The following CFAP43 variants were observed in gnomAD, a reference collection of about 807,000 sequenced individuals.
CFAP43 encodes the protein cilia- and flagella-associated protein 43.
CFAP43 carries 155 observed loss-of-function variants against 218.9 expected under a neutral mutation model. That is an observed-to-expected ratio of 0.71 (90% CI 0.62 to 0.81). CFAP43 has a LOEUF of 0.81. Among genes scored for constraint, CFAP43 ranks in the 30% least tolerant of loss-of-function variants. The pLI, the probability that CFAP43 is intolerant of heterozygous loss-of-function variation, is 0.00. For missense variants in CFAP43, 1,778 were observed against 1,954.3 expected, an observed-to-expected ratio of 0.91 and a Z score of 1.70; for synonymous variants, 645 against 681.3, an observed-to-expected ratio of 0.95 and a Z score of 0.83.
At chr10:104,230,510 A>G (rs1212384669) in intron 2 of CFAP43, 80 bp downstream of exon 2, 15 of 1,508,890 alleles carry the variant, frequency 9.9e-6, no homozygotes, top group African/African-American at 1.4e-5. Flanking sequence ...CAAAAAATAA[A>G]TCTTCACTTA....
At chr10:104,199,609 A>C (rs981437152) in intron 8 of CFAP43, among the ~76,000 whole-genome samples, 1 of 152,220 alleles carries the variant, frequency 6.6e-6, no homozygotes, top group Non-Finnish European at 1.5e-5. Context: ...TAATTGTAAG[A>C]AGAAAAAGAA....
At chr10:104,141,025 C>G in intron 33 of CFAP43, 24 bp from the exon 34 acceptor site, 1 of 1,590,476 alleles carries the variant, frequency 6.3e-7, no homozygotes, top group East Asian at 2.2e-5. Flanking sequence ...TACTTCAAAG[C>G]AAGTAGTTGT....
intron 8 of CFAP43, among the ~76,000 whole-genome samples, chr10:104,201,923 T>TAGAA (rs1353444794): frequency 2.0e-5 from 3 of 152,180 alleles, no homozygotes; most frequent in African/African-American, 7.2e-5. Flanking sequence ...GAAAAGATGT[T>TAGAA]TTCATTGGGT....
chr10:104,194,548 T>G (rs1055294944), intron 10 of CFAP43, among the ~76,000 whole-genome samples: 3 of 152,146 alleles, frequency 2.0e-5, no homozygotes, highest in African/African-American at 7.2e-5. Context: ...TAAAACATTT[T>G]TATAGATCCT....
chr10:104,172,209 C>G (rs547645992), intron 20 of CFAP43, among the ~76,000 whole-genome samples: 1 of 152,322 alleles, frequency 6.6e-6, no homozygotes, highest in South Asian at 2.1e-4. Context: ...TCTGGCTGGC[C>G]TAGATGTTCT....
At chr10:104,178,489 G>A (rs1409047) in intron 19 of CFAP43, among the ~76,000 whole-genome samples, 15,297 of 152,124 alleles carry the variant, frequency 0.1, 822 homozygotes, top group Middle Eastern at 0.18. Context: ...TTCCAAGCAC[G>A]GATTTATATG....
At chr10:104,138,338 T>G (rs1264544488) in intron 34 of CFAP43, among the ~76,000 whole-genome samples, 1 of 152,130 alleles carries the variant, frequency 6.6e-6, no homozygotes, top group Non-Finnish European at 1.5e-5. Context: ...GTCAAGGTCA[T>G]CAAAAACAAG....
chr10:104,214,198 C>T (rs1287743181), intron 4 of CFAP43, 61 bp downstream of exon 4: 1 of 1,465,806 alleles, frequency 6.8e-7, no homozygotes, highest in Non-Finnish European at 9.1e-7. Flanking sequence ...TTGACCCAAT[C>T]ACATTACACG....
In CFAP43 at chr10:104,187,461, C is replaced by A; in HGVS notation, c.1719G>T (p.Arg573Ser). 6.3e-7 allele frequency: 1 copy of A among 1,593,194 alleles called. No individual in the cohort carries two copies. The highest frequency in any genetic ancestry group is 8.5e-7 in the Non-Finnish European group (1 of 1,171,224). The change falls in exon 14 of 38, where the codon AGG (arginine) becomes AGT (serine). Residue 573 changes from arginine to serine, a missense_variant. Physicochemically the swap from Arg to Ser is moderately radical, Grantham distance 110. Coordinates refer to ENST00000357060, the MANE Select transcript of CFAP43 (RefSeq NM_025145.7). ...ACTTATGAATGATTTCATCTTTCAG[C>A]CTTCCTCTTTCATCAGCAAAGGTTG... ...VSTTFADERG[R>S]LKDEIIHKYL...
intron 3 of CFAP43, among the ~76,000 whole-genome samples, chr10:104,218,544 G>A (rs1454196904): frequency 6.6e-6 from 1 of 151,994 alleles, no homozygotes. Context: ...GAGGGGAAGA[G>A]TGGGCACTAA....
chr10:104,157,716 T>C (rs1005213611), intron 27 of CFAP43, among the ~76,000 whole-genome samples: 6 of 148,530 alleles, frequency 4.0e-5, no homozygotes, highest in Admixed American at 6.8e-5. Context: ...TGGAATTGAG[T>C]TGGAATTGGA....
chr10:104,211,679 C>G (rs1456071789), intron 5 of CFAP43, among the ~76,000 whole-genome samples: 1 of 152,218 alleles, frequency 6.6e-6, no homozygotes, highest in African/African-American at 2.4e-5. Context: ...AGTCCCACCT[C>G]TCCTCCCTAA....
chr10:104,156,923 G>A (rs1170727868), intron 27 of CFAP43, among the ~76,000 whole-genome samples: 1 of 152,128 alleles, frequency 6.6e-6, no homozygotes, highest in Non-Finnish European at 1.5e-5. Flanking sequence ...GAGCAATTAA[G>A]TGGTCCCCTC....
intron 4 of CFAP43, 43 bp from the exon 5 acceptor site, chr10:104,212,200 C>T: frequency 1.3e-6 from 2 of 1,581,958 alleles, no homozygotes; most frequent in South Asian, 1.1e-5. Flanking sequence ...TGAACAGAAA[C>T]TTCTTATTGA....
At chr10:104,132,246 G>C (rs1442265309) in intron 35 of CFAP43, 50 bp from the exon 36 acceptor site, 1 of 1,288,194 alleles carries the variant, frequency 7.8e-7, no homozygotes, top group African/African-American at 1.5e-5. Flanking sequence ...TCTTTCAATA[G>C]ATGACTTTAT....
At chr10:104,140,367 G>A (rs1357696624) in intron 34 of CFAP43, among the ~76,000 whole-genome samples, 1 of 152,170 alleles carries the variant, frequency 6.6e-6, no homozygotes, top group South Asian at 2.1e-4. Flanking sequence ...GGTGGGGTCT[G>A]AGCACATTTA....
chr10:104,180,027 C>A, intron 17 of CFAP43, 95 bp from the exon 18 acceptor site: 1 of 921,102 alleles, frequency 1.1e-6, no homozygotes. Flanking sequence ...CTTTGAATTC[C>A]TTTGTATTTG....
intron 16 of CFAP43, among the ~76,000 whole-genome samples, chr10:104,184,207 T>C (rs545097343): frequency 6.6e-6 from 1 of 152,332 alleles, no homozygotes; most frequent in African/African-American, 2.4e-5. Context: ...GGGAGGAATT[T>C]CGTTTATAGT....
At chr10:104,182,885 C>G (rs557487740) in intron 16 of CFAP43, among the ~76,000 whole-genome samples, 1 of 151,926 alleles carries the variant, frequency 6.6e-6, no homozygotes, top group Non-Finnish European at 1.5e-5. Flanking sequence ...CTAAAGGACT[C>G]TGCTTCTTAC....
Sources: gnomAD v4.1 joint callset for allele counts (sites outside exome capture counted in the v4.1 genomes callset) on GRCh38, gnomAD v4.1.1 for gene constraint, MANE v1.5 for transcripts, NCBI Gene and HGNC (gene_info 2026-07-23, HGNC 2026-07-21) for gene names.